The following PCDHGC3 variants were observed in gnomAD, a reference collection of about 807,000 sequenced individuals.
PCDHGC3 encodes protocadherin gamma subfamily C, 3.
Under a neutral mutation model 59.2 loss-of-function variants are expected in PCDHGC3, and 26 were observed. That is an observed-to-expected ratio of 0.44 (90% confidence interval 0.32 to 0.61). The LOEUF is 0.61. Ranked by LOEUF, PCDHGC3 falls within the 20% of genes least tolerant of loss-of-function variation. The probability of loss-of-function intolerance (pLI) is 0.05; values close to 1 mark genes in which losing one functional copy is unlikely to be tolerated. For synonymous variants in PCDHGC3, 487 were observed against 519.7 expected (o/e 0.94, Z 0.86); for missense variants, 1,080 against 1,221.8 (o/e 0.88, Z 1.73).
At position 141,489,135 on chromosome 5, in the gene PCDHGC3, G is replaced by T; in HGVS notation, c.2431-5672G>T. The T allele has an allele frequency of 1.4e-6, 1 of 725,448 alleles. No individual in the cohort carries two copies. The highest frequency in any genetic ancestry group is 2.1e-6 in the Non-Finnish European group (1 of 470,770). 44.9% of individuals were successfully genotyped at this position (725,448 alleles called of 1,614,324 possible). ...GCAAACCTCCGAGCAGTTTTTAAGA[G>T]GCTGGAAGGAGACATAAGAGACTTC... On this transcript the variant is annotated intron_variant, in intron 1 of 3. Coordinates refer to ENST00000308177, the MANE Select transcript of PCDHGC3 (RefSeq NM_002588.4). The surrounding 1 kb of genome is among the most constrained non-coding windows in gnomAD (Gnocchi z 4.5).
chr5:141,491,293 C>T lies in PCDHGC3; in HGVS notation c.2431-3514C>T. On this transcript the variant is annotated intron_variant, in intron 1 of 3. Transcript: ENST00000308177. This position sits in a 1 kb window ranked among gnomAD's most constrained non-coding sequence, Gnocchi z 6.9. Reference sequence around the variant, plus strand: ...ATCCAGTGACTTCCTCATACACCCTCCTGAGCGTTCAGACCTTACCCTTTA... The same window carrying T: ...ATCCAGTGACTTCCTCATACACCCTTCTGAGCGTTCAGACCTTACCCTTTA... 6.2e-7 allele frequency: 1 copy of T among 1,614,166 alleles called. No homozygotes were observed. The highest frequency in any genetic ancestry group is 1.3e-5 in the African/African-American group (1 of 75,058).
At chr5:141,483,273 T>G (rs6860615) in intron 1 of PCDHGC3, among the ~76,000 whole-genome samples, 62,442 of 151,936 alleles carry the variant, frequency 0.41, 15,417 homozygotes, top group African/African-American at 0.7. Flanking sequence ...GTTTTAGAAA[T>G]ATTATTCTGT....
chr5:141,479,606 T>TA (rs1315315740), intron 1 of PCDHGC3: 1 of 152,184 alleles, frequency 6.6e-6, no homozygotes, highest in Non-Finnish European at 1.5e-5. Context: ...GCCTAGGCAA[T>TA]ATAGGGAAAC....
In PCDHGC3 at chr5:141,477,229, C is replaced by G. The variant is rs1376731101; in HGVS notation, c.1113C>G (p.Ile371Met). The G allele has an allele frequency of 6.2e-7, 1 of 1,614,222 alleles. No homozygotes were observed. The highest frequency in any genetic ancestry group is 8.5e-7 in the Non-Finnish European group (1 of 1,180,052). The change falls in exon 1 of 4, where the codon ATC (isoleucine) becomes ATG (methionine). Residue 371 changes from isoleucine (I) to methionine (M), a missense_variant. Transcript: ENST00000308177. This position sits in a 1 kb window ranked among gnomAD's most constrained non-coding sequence, Gnocchi z 4.9. ...VPEDAPLGTV[I>M]ALLSVTDLDA... ...AGGATGCCCCTCTGGGGACTGTCAT[C>G]GCTTTGCTCAGTGTGACTGACCTGG...
Position 141,489,351 on chromosome 5 carries a change from G to A in PCDHGC3, c.2431-5456G>A, listed in dbSNP as rs2099685862. ...GGCAGCTTCGTTACTCAGTGGTGGAGGAGTCTGAGCCGGGGACGCTGGTGG... is the reference window on the plus strand; with the variant it reads ...GGCAGCTTCGTTACTCAGTGGTGGAAGAGTCTGAGCCGGGGACGCTGGTGG... On this transcript the variant is annotated intron_variant, in intron 1 of 3. Transcript: ENST00000308177. This position sits in a 1 kb window ranked among gnomAD's most constrained non-coding sequence, Gnocchi z 4.5. The A allele has an allele frequency of 6.2e-7, 1 of 1,612,202 alleles. No individual in the cohort carries two copies. The highest frequency in any genetic ancestry group is 1.3e-5 in the African/African-American group (1 of 75,006).
intron 3 of PCDHGC3, among the ~76,000 whole-genome samples, chr5:141,507,521 C>G (rs2099861196): frequency 6.6e-6 from 1 of 151,972 alleles, no homozygotes; most frequent in African/African-American, 2.4e-5. Flanking sequence ...GGCTATGATT[C>G]CAGAGAGGCC....
chr5:141,499,721 G>GTC (rs1434016871), intron 2 of PCDHGC3, among the ~76,000 whole-genome samples: 69 of 135,416 alleles, frequency 5.1e-4, no homozygotes, highest in African/African-American at 1.9e-3. Flanking sequence ...TGGAGACAGA[G>GTC]TCTCACTCTC....
In PCDHGC3 at chr5:141,490,262, G is replaced by A; in HGVS notation, c.2431-4545G>A. 1.2e-6 allele frequency: 2 copies of A among 1,614,206 alleles called. No homozygotes were observed. Among genetic ancestry groups the A allele is most frequent in the South Asian group, 1.1e-5 (1 of 91,086 alleles). On this transcript the variant is annotated intron_variant, in intron 1 of 3. Transcript: ENST00000308177. The surrounding 1 kb of genome is among the most constrained non-coding windows in gnomAD (Gnocchi z 5.4). ...CACTGTGTGATTCAAGTGGATGTGGGGGATGTCAATGACAATGCCCCAGAG... is the reference window on the plus strand; with the variant it reads ...CACTGTGTGATTCAAGTGGATGTGGAGGATGTCAATGACAATGCCCCAGAG...
intron 1 of PCDHGC3, among the ~76,000 whole-genome samples, chr5:141,481,620 C>G (rs1449979532): frequency 6.6e-6 from 1 of 152,112 alleles, no homozygotes; most frequent in African/African-American, 2.4e-5. Context: ...GAGTTCAAGA[C>G]CGGCCTGGCC....
intron 1 of PCDHGC3, among the ~76,000 whole-genome samples, chr5:141,481,031 C>G (rs926205148): frequency 1.3e-5 from 2 of 152,108 alleles, no homozygotes; most frequent in Non-Finnish European, 2.9e-5. Flanking sequence ...GCACTCCAGC[C>G]TGGGCGACAG....
intron 2 of PCDHGC3, among the ~76,000 whole-genome samples, chr5:141,499,576 G>C (rs2099792836): frequency 1.3e-5 from 2 of 151,790 alleles, no homozygotes; most frequent in Non-Finnish European, 2.9e-5. Context: ...TTCAACTAAT[G>C]CCTTATCTTG....
chr5:141,476,725 C>G lies in PCDHGC3; in HGVS notation c.609C>G (p.Asp203Glu). The change falls in exon 1 of 4, where the codon GAC (aspartate) becomes GAG (glutamate). Residue 203 changes from aspartate to glutamate, a missense_variant. Coordinates refer to ENST00000308177, the MANE Select transcript of PCDHGC3 (RefSeq NM_002588.4). This position sits in a 1 kb window ranked among gnomAD's most constrained non-coding sequence, Gnocchi z 7.6. ...YAELVLERAL[D>E]REREPSLQLV... is the part of the protein sequence containing the mutation. ...AGCTGGTGTTGGAGCGCGCCCTGGA[C>G]CGAGAACGGGAGCCTAGTCTCCAGT... The G allele has an allele frequency of 6.2e-7, 1 of 1,614,132 alleles. No homozygotes were observed. Among genetic ancestry groups the G allele is most frequent in the Non-Finnish European group, 8.5e-7 (1 of 1,180,038 alleles).
chr5:141,476,046 C>T lies in PCDHGC3; in HGVS notation c.-71C>T. 6.7e-7 allele frequency: 1 copy of T among 1,491,396 alleles called. No individual in the cohort carries two copies. Among genetic ancestry groups the T allele is most frequent in the Non-Finnish European group, 8.9e-7 (1 of 1,122,928 alleles). 92.4% of individuals were successfully genotyped at this position (1,491,396 alleles called of 1,614,324 possible). On this transcript the variant is annotated 5_prime_UTR_variant, in exon 1 of 4. Coordinates refer to ENST00000308177, the MANE Select transcript of PCDHGC3 (RefSeq NM_002588.4). This position sits in a 1 kb window ranked among gnomAD's most constrained non-coding sequence, Gnocchi z 7.6. ...CGGCGCCCAGCGCCCAAGCGCTAAC[C>T]CGCTGAAAGTTTCTCAGCGAAATCT...
chr5:141,510,568 G>C (rs2099881703), intron 3 of PCDHGC3, among the ~76,000 whole-genome samples: 1 of 152,100 alleles, frequency 6.6e-6, no homozygotes, highest in Non-Finnish European at 1.5e-5. Context: ...CATCTACCAG[G>C]CACTATTTTA....
chr5:141,478,594 C>T, intron 1 of PCDHGC3, 48 bp downstream of exon 1: 2 of 1,569,448 alleles, frequency 1.3e-6, no homozygotes, highest in Non-Finnish European at 1.7e-6. Context: ...TTTTTTATTC[C>T]TACATCATAT....
chr5:141,477,504 A>T lies in PCDHGC3; in HGVS notation c.1388A>T (p.Asp463Val), dbSNP rs1396003792. The part of the protein sequence containing the change: ...NPPQSSQSSY[D>V]VYIEENNLPG... Reference sequence around the variant, plus strand: ...CCACAATCTTCTCAATCTTCCTACGACGTTTACATTGAAGAAAACAACCTC... The same window carrying T: ...CCACAATCTTCTCAATCTTCCTACGTCGTTTACATTGAAGAAAACAACCTC... The change falls in exon 1 of 4, where the codon GAC becomes GTC. Residue 463 changes from aspartate to valine, a missense_variant. Coordinates refer to ENST00000308177, the MANE Select transcript of PCDHGC3 (RefSeq NM_002588.4). This position sits in a 1 kb window ranked among gnomAD's most constrained non-coding sequence, Gnocchi z 4.9. The T allele has an allele frequency of 4.3e-6, 7 of 1,613,982 alleles. No homozygotes were observed. In the Admixed American group the frequency reaches 8.3e-5, roughly 19 times the overall value.
chr5:141,481,208 A>G lies in PCDHGC3; in HGVS notation c.2430+2662A>G, dbSNP rs116577118. On this transcript the variant is annotated intron_variant, in intron 1 of 3. Coordinates refer to ENST00000308177, the MANE Select transcript of PCDHGC3 (RefSeq NM_002588.4). ...GCCAGGCCCAATTTTTTTAAAAAACATGGTAAGGTCTCCCAGCCTTAAAGT... is the reference window on the plus strand; with the variant it reads ...GCCAGGCCCAATTTTTTTAAAAAACGTGGTAAGGTCTCCCAGCCTTAAAGT... 3.5e-3 allele frequency among the ~76,000 whole-genome samples: 528 copies of G among 152,350 alleles called. 2 individuals carry two copies. Among genetic ancestry groups the G allele is most frequent in the African/African-American group, 0.012 (490 of 41,572 alleles).
At chr5:141,484,931 A>ACGTT (rs1464416110) in intron 1 of PCDHGC3, 2 of 498,000 alleles carry the variant, frequency 4.0e-6, no homozygotes, top group Non-Finnish European at 7.2e-6. Flanking sequence ...TGCTGTTGGG[A>ACGTT]CGTTCTCTGC....
rs1167955962 is a variant in PCDHGC3, at chr5:141,477,078, A to G, written c.962A>G (p.Tyr321Cys). ...GAGGACACCAAACTCCATGAGATTT[A>G]CATCCAGGCCAAAGACAAGGGCGCC... ...DFEDTKLHEI[Y>C]IQAKDKGANP... The change falls in exon 1 of 4, where the codon TAC (tyrosine) becomes TGC (cysteine). Residue 321 changes from tyrosine to cysteine, a missense_variant. Transcript: ENST00000308177. This position sits in a 1 kb window ranked among gnomAD's most constrained non-coding sequence, Gnocchi z 4.9. The G allele has an allele frequency of 6.8e-6, 11 of 1,614,262 alleles. No individual in the cohort carries two copies. In the South Asian group the frequency reaches 1.2e-4, roughly 18 times the overall value.
Sources: allele counts gnomAD v4.1 joint callset (sites outside exome capture counted in the v4.1 genomes callset), GRCh38; gene constraint gnomAD v4.1.1; non-coding constraint Gnocchi (gnomAD v3.1); transcripts MANE v1.5; gene names NCBI Gene and HGNC (gene_info 2026-07-23, HGNC 2026-07-21).